The following MGA variants were observed in gnomAD, a reference collection of about 807,000 sequenced individuals.
MGA encodes the protein MAX dimerization protein MGA, also known as MAX gene-associated protein.
In MGA, 40 loss-of-function variants were observed where a neutral mutation model predicts 261.1. The ratio of observed to expected loss-of-function variants is 0.15; its 90% confidence interval spans 0.12 to 0.20. The LOEUF (loss-of-function observed/expected upper bound fraction) is 0.20, where lower values mean the gene tolerates loss of function less well. MGA is among the 10% of genes least tolerant of loss of function. The probability of loss-of-function intolerance (pLI) is 1.00; values close to 1 mark genes in which losing one functional copy is unlikely to be tolerated. For synonymous variants in MGA, 1,302 were observed against 1,290.6 expected (o/e 1.01, Z -0.19); for missense variants, 3,397 against 3,630.5 (o/e 0.94, Z 1.65).
chr15:41,734,900 G>A (rs1184320891), intron 12 of MGA, among the ~76,000 whole-genome samples: 1 of 151,282 alleles, frequency 6.6e-6, no homozygotes, highest in Non-Finnish European at 1.5e-5. Flanking sequence ...CAGTAATATT[G>A]GCATCATTAG....
intron 18 of MGA, among the ~76,000 whole-genome samples, chr15:41,756,267 C>T (rs1047444097): frequency 3.9e-5 from 6 of 152,108 alleles, no homozygotes; most frequent in African/African-American, 1.4e-4. Flanking sequence ...ATATTAGAGA[C>T]AGTTGACAGA....
intron 15 of MGA, among the ~76,000 whole-genome samples, chr15:41,743,422 C>G (rs1359616756): frequency 6.6e-6 from 1 of 152,188 alleles, no homozygotes; most frequent in African/African-American, 2.4e-5. Context: ...ACATTAATAA[C>G]AATAACTGAT....
intron 1 of MGA, among the ~76,000 whole-genome samples, chr15:41,631,911 TG>T (rs1481159249): frequency 1.3e-5 from 2 of 152,196 alleles, no homozygotes; most frequent in African/African-American, 4.8e-5. Context: ...TGGCAAGTGT[TG>T]TTTTTTTAGC....
At chr15:41,744,004 C>T (rs539374153) in intron 15 of MGA, among the ~76,000 whole-genome samples, 1 of 152,014 alleles carries the variant, frequency 6.6e-6, no homozygotes, top group Non-Finnish European at 1.5e-5. Flanking sequence ...AGAGACTTTG[C>T]AGGATTTGAG....
chr15:41,670,086 A>G, intron 2 of MGA, 128 bp downstream of exon 2: 2 of 737,142 alleles, frequency 2.7e-6, no homozygotes, highest in South Asian at 2.0e-5. Context: ...AAAATATACT[A>G]CAACTGCTTT....
At chr15:41,654,407 T>A (rs1451999245) in intron 1 of MGA, among the ~76,000 whole-genome samples, 1 of 152,178 alleles carries the variant, frequency 6.6e-6, no homozygotes, top group African/African-American at 2.4e-5. Flanking sequence ...TAATAGATGA[T>A]GGATGTTTTG....
At chr15:41,658,149 T>G (rs1324532119), upstream of MGA, among the ~76,000 whole-genome samples, 1 of 152,204 alleles carries the variant, frequency 6.6e-6, no homozygotes, top group Non-Finnish European at 1.5e-5. Context: ...CTCTCTAGTT[T>G]TTTGTTTGTT....
chr15:41,742,334 A>C (rs1164196129), intron 14 of MGA, among the ~76,000 whole-genome samples: 1 of 152,102 alleles, frequency 6.6e-6, no homozygotes, highest in Admixed American at 6.6e-5. Context: ...GGTTGCAGTG[A>C]GCCGAGATCG....
At chr15:41,660,329 G>C (rs1186618805), upstream of MGA, 1 of 152,604 alleles carries the variant, frequency 6.6e-6, no homozygotes, top group Non-Finnish European at 1.5e-5. Context: ...GGGTCAGGGA[G>C]GTGCTGCTCG....
At chr15:41,758,346 A>C (rs1264091576) in intron 19 of MGA, among the ~76,000 whole-genome samples, 2 of 152,016 alleles carry the variant, frequency 1.3e-5, no homozygotes, top group Non-Finnish European at 2.9e-5. Context: ...GGTTTGTTTA[A>C]ATTGTTTTCC....
intron 18 of MGA, among the ~76,000 whole-genome samples, chr15:41,756,274 C>G (rs1351362357): frequency 6.6e-6 from 1 of 152,082 alleles, no homozygotes; most frequent in Non-Finnish European, 1.5e-5. Context: ...AGACAGTTGA[C>G]AGAAGAAGAA....
Position 41,760,302 on chromosome 15 carries a change from G to A in MGA, c.7192-21G>A, listed in dbSNP as rs375885565. 45 of 1,611,236 alleles carry A rather than the reference G, an allele frequency of 2.8e-5. No homozygotes were observed. In the African/African-American group the frequency reaches 5.1e-4, roughly 18 times the overall value. ...CCAACTACATGTTCAAGATGTTTAG[G>A]AGGCAATCTTGTTTGGACAGGCTCC... On this transcript the variant is annotated intron_variant, in intron 19 of 23. Coordinates refer to ENST00000219905, the MANE Select transcript of MGA (RefSeq NM_001164273.2).
intron 14 of MGA, among the ~76,000 whole-genome samples, chr15:41,741,573 T>C (rs1444715044): frequency 6.6e-6 from 1 of 152,084 alleles, no homozygotes; most frequent in East Asian, 1.9e-4. Context: ...ACATTAGAAA[T>C]TGGGGGAAAC....
chr15:41,666,125 C>T (rs1396949866), intron 1 of MGA, among the ~76,000 whole-genome samples: 1 of 150,306 alleles, frequency 6.7e-6, no homozygotes, highest in East Asian at 2.0e-4. Flanking sequence ...GAACTCTTGA[C>T]CTCAAACGTT....
upstream of MGA, among the ~76,000 whole-genome samples, chr15:41,656,150 T>A (rs527670543): frequency 2.0e-5 from 3 of 152,210 alleles, no homozygotes; most frequent in South Asian, 6.2e-4. Flanking sequence ...TGGAAGACCT[T>A]ACCTGATCAT....
chr15:41,694,640 C>T (rs1281745432), intron 2 of MGA, among the ~76,000 whole-genome samples: 1 of 151,874 alleles, frequency 6.6e-6, no homozygotes, highest in Non-Finnish European at 1.5e-5. Context: ...CATTCTCCTG[C>T]CTCAGCCTCC....
At chr15:41,651,600 C>T (rs2057045359) in intron 1 of MGA, among the ~76,000 whole-genome samples, 1 of 148,236 alleles carries the variant, frequency 6.7e-6, no homozygotes, top group Non-Finnish European at 1.5e-5. Context: ...TTTCCTCCTT[C>T]CTTTCCCTTT....
At chr15:41,667,253 A>T (rs1219346805) in intron 1 of MGA, among the ~76,000 whole-genome samples, 1 of 147,486 alleles carries the variant, frequency 6.8e-6, no homozygotes, top group Non-Finnish European at 1.5e-5. Flanking sequence ...ATGTATTTTT[A>T]TTTTTTTTTT....
At position 41,710,802 on chromosome 15, in the gene MGA, C is replaced by G; in HGVS notation, c.2537C>G (p.Ser846Cys). Residue 846 changes from serine to cysteine, a missense_variant, in exon 8 of 24, where the codon TCT becomes TGT. Around this residue, in one of 9 missense-constraint regions of MGA, gnomAD observed 519 missense variants for 554.1 expected, o/e 0.94. Coordinates refer to ENST00000219905, the MANE Select transcript of MGA (RefSeq NM_001164273.2). ...ATGGAAACAAGCATGGGTTTTTCTT[C>G]TAATGCTCCCACATCTCCTGTGGTG... The G allele has an allele frequency of 1.2e-6, 2 of 1,613,952 alleles. No homozygotes were observed. Among genetic ancestry groups the G allele is most frequent in the Non-Finnish European group, 1.7e-6 (2 of 1,179,846 alleles).
Sources: allele counts gnomAD v4.1 joint callset (sites outside exome capture counted in the v4.1 genomes callset), GRCh38; gene constraint gnomAD v4.1.1; regional missense constraint gnomAD v4.1.1; transcripts MANE v1.5; gene names NCBI Gene and HGNC (gene_info 2026-07-23, HGNC 2026-07-21).